The following LRRC59 variants were observed in gnomAD, a reference collection of about 807,000 sequenced individuals.
LRRC59 encodes leucine rich repeat containing 59.
LRRC59 carries 18 observed loss-of-function variants against 33.5 expected under a neutral mutation model. The observed-to-expected ratio is 0.54, with a 90% CI of 0.37 to 0.80. The LOEUF (loss-of-function observed/expected upper bound fraction) is 0.80, where lower values mean the gene tolerates loss of function less well. Among genes scored for constraint, LRRC59 ranks in the 30% least tolerant of loss-of-function variants. The pLI is 0.00. For synonymous variants in LRRC59, 138 were observed against 160.0 expected, an observed-to-expected ratio of 0.86 and a Z score of 1.04; for missense variants, 330 against 391.9, an observed-to-expected ratio of 0.84 and a Z score of 1.33.
In LRRC59 at chr17:50,383,088, G is replaced by A; in HGVS notation, c.824C>T (p.Pro275Leu). Residue 275 changes from proline (P) to leucine (L), a missense_variant, in exon 7 of 7, where the codon CCC becomes CTC. Transcript: ENST00000225972. The part of the protein sequence containing the change: ...ACRVTELQQQ[P>L]LCTSVNTIYD... ...GATGGTGTTCACGCTGGTGCAGAGG[G>A]GCTGCTGCTGCAGCTCTGTCACCCG... The A allele has an allele frequency of 6.2e-7, 1 of 1,607,642 alleles. No individual in the cohort carries two copies. The highest frequency in any genetic ancestry group is 8.5e-7 in the Non-Finnish European group (1 of 1,178,358).
Position 50,391,988 on chromosome 17 carries a change from CG to C in LRRC59, c.429+409del, listed in dbSNP as rs543815527. On this transcript the variant is annotated intron_variant, in intron 4 of 6. Coordinates refer to ENST00000225972, the MANE Select transcript of LRRC59 (RefSeq NM_018509.4). ...CCAAGGTGGGCGAATCATTTGAGGT[CG>C]GGAGTTGGAGACCAGCCTGGCCAAC... Among the ~76,000 whole-genome samples the C allele has an allele frequency of 2.3e-3, 357 of 152,262 alleles. 2 individuals carry two copies. The highest frequency in any genetic ancestry group is 4.4e-3 in the Non-Finnish European group (297 of 68,020).
At chr17:50,390,699 A>G (rs1009457582) in intron 4 of LRRC59, among the ~76,000 whole-genome samples, 1 of 152,200 alleles carries the variant, frequency 6.6e-6, no homozygotes, top group Non-Finnish European at 1.5e-5. Context: ...ACTAACCCAT[A>G]TACCCACCAG....
rs144725690 is a variant in LRRC59 at position 50,393,138 on chromosome 17, G to T, written c.166-241C>A. 1.2e-4 allele frequency among the ~76,000 whole-genome samples: 18 copies of T among 152,318 alleles called. No homozygotes were observed. In the South Asian group the frequency reaches 2.1e-3, roughly 18 times the overall value. On this transcript the variant is annotated intron_variant, in intron 2 of 6. Transcript: ENST00000225972. Reference sequence around the variant, plus strand: ...AAGCCTTGGGCTCACACACTTCGGTGTAACAGTCTGGAAGCCCTCAAGTCA... The same window carrying T: ...AAGCCTTGGGCTCACACACTTCGGTTTAACAGTCTGGAAGCCCTCAAGTCA...
chr17:50,390,088 ACT>A (rs1914105653), intron 4 of LRRC59, among the ~76,000 whole-genome samples: 1 of 129,416 alleles, frequency 7.7e-6, no homozygotes, highest in Non-Finnish European at 1.6e-5. Context: ...ATAGAGCGTG[ACT>A]CTGTCTCAAA....
Position 50,382,906 on chromosome 17 carries a change from A to C in LRRC59, c.*82T>G. 3 of 1,536,848 alleles carry C rather than the reference A, an allele frequency of 2.0e-6. No homozygotes were observed. The highest frequency in any genetic ancestry group is 2.6e-6 in the Non-Finnish European group (3 of 1,136,974). On this transcript the variant is annotated 3_prime_UTR_variant, in exon 7 of 7. Transcript: ENST00000225972. Reference sequence around the variant, plus strand: ...ATGATGGCAGGTAGGTCTGATGCTAAAAAGAGGTTGTGTCCAGCAGAACCC... The same window carrying C: ...ATGATGGCAGGTAGGTCTGATGCTACAAAGAGGTTGTGTCCAGCAGAACCC...
intron 4 of LRRC59, among the ~76,000 whole-genome samples, chr17:50,389,368 T>C (rs2143363941): frequency 6.6e-6 from 1 of 152,310 alleles, no homozygotes; most frequent in Admixed American, 6.5e-5. Flanking sequence ...AGTGTAAGCT[T>C]GGAGCCCAAC....
intron 4 of LRRC59, among the ~76,000 whole-genome samples, chr17:50,390,533 G>A (rs1355034632): frequency 6.6e-6 from 1 of 152,134 alleles, no homozygotes; most frequent in Non-Finnish European, 1.5e-5. Flanking sequence ...AGGCAATGCA[G>A]AAATGGGACA....
chr17:50,383,075 G>A lies in LRRC59; in HGVS notation c.837C>T (p.Ser279=), dbSNP rs1409402666. The A allele has an allele frequency of 4.3e-6, 7 of 1,611,530 alleles. No individual in the cohort carries two copies. The highest frequency in any genetic ancestry group is 2.7e-5 in the African/African-American group (2 of 74,870). The change falls in exon 7 of 7, where the codon AGC becomes AGT. Residue 279 remains serine, a synonymous_variant. Transcript: ENST00000225972. ...CCGCATTGTCATAGATGGTGTTCAC[G>A]CTGGTGCAGAGGGGCTGCTGCTGCA... ...TELQQQPLCT[S]VNTIYDNAVQ...
At chr17:50,385,021 A>T (rs1485126405) in intron 6 of LRRC59, 97 bp downstream of exon 6, 1 of 1,366,070 alleles carries the variant, frequency 7.3e-7, no homozygotes, top group Non-Finnish European at 1.0e-6. Context: ...ACTTTATCTA[A>T]GGTTTGCAGG....
intron 5 of LRRC59, among the ~76,000 whole-genome samples, chr17:50,387,062 G>A (rs1437112184): frequency 6.6e-6 from 1 of 152,094 alleles, no homozygotes; most frequent in African/African-American, 2.4e-5. Context: ...AGGTTGCAGT[G>A]AGCCGAGATC....
intron 1 of LRRC59, chr17:50,396,856 C>T (rs1914286046): frequency 2.9e-6 from 1 of 346,766 alleles, no homozygotes; most frequent in African/African-American, 2.1e-5. Context: ...ACAAGTCACT[C>T]ATTCATTCTC....
At chr17:50,384,341 G>T (rs1275266462) in intron 6 of LRRC59, among the ~76,000 whole-genome samples, 3 of 152,022 alleles carry the variant, frequency 2.0e-5, no homozygotes, top group Non-Finnish European at 2.9e-5. Context: ...TTTAATTTAT[G>T]TAGAGACAGA....
chr17:50,385,836 T>C (rs1052070051), intron 5 of LRRC59, among the ~76,000 whole-genome samples: 2 of 151,816 alleles, frequency 1.3e-5, no homozygotes, highest in Non-Finnish European at 2.9e-5. Context: ...AAGCTGGGAG[T>C]ATCACTTGAG....
intron 3 of LRRC59, 104 bp downstream of exon 3, chr17:50,392,635 G>T: frequency 6.6e-7 from 1 of 1,521,944 alleles, no homozygotes; most frequent in African/African-American, 1.4e-5. Flanking sequence ...TCTGAGGCAG[G>T]ACCAACAAGG....
chr17:50,392,542 C>G lies in LRRC59; in HGVS notation c.325-40G>C, dbSNP rs900553637. 7.8e-6 allele frequency: 12 copies of G among 1,548,130 alleles called. No individual in the cohort carries two copies. The South Asian group carries it at 1.0e-4, about 13-fold the overall frequency. ...GATGGGCAAAGAGGCTCATTAAGCC[C>G]GAGTTCACATACATAGTCCCTCAGG... On this transcript the variant is annotated intron_variant, in intron 3 of 6. Coordinates refer to ENST00000225972, the MANE Select transcript of LRRC59 (RefSeq NM_018509.4).
At chr17:50,393,129 C>G (rs1235006539) in intron 2 of LRRC59, among the ~76,000 whole-genome samples, 2 of 152,230 alleles carry the variant, frequency 1.3e-5, no homozygotes, top group Non-Finnish European at 2.9e-5. Context: ...TGGGCTCACA[C>G]ACTTCGGTGT....
chr17:50,391,584 G>A (rs569654390), intron 4 of LRRC59, among the ~76,000 whole-genome samples: 2 of 152,256 alleles, frequency 1.3e-5, no homozygotes, highest in South Asian at 4.2e-4. Context: ...TAATAGGTAG[G>A]GTACGGCACC....
At chr17:50,385,367 G>A (rs1217916597) in intron 5 of LRRC59, 76 bp from the exon 6 acceptor site, 1 of 1,476,918 alleles carries the variant, frequency 6.8e-7, no homozygotes, top group African/African-American at 1.4e-5. Flanking sequence ...GTGATTAAAA[G>A]TACAGATTCT....
chr17:50,396,327 C>G (rs1263888314), intron 1 of LRRC59: 2 of 152,218 alleles, frequency 1.3e-5, no homozygotes, highest in African/African-American at 2.4e-5. Flanking sequence ...GAGATCTAGG[C>G]ATAAAGGCTA....
Sources: allele counts gnomAD v4.1 joint callset (sites outside exome capture counted in the v4.1 genomes callset), GRCh38; gene constraint gnomAD v4.1.1; transcripts MANE v1.5; gene names NCBI Gene and HGNC (gene_info 2026-07-23, HGNC 2026-07-21).